MYO7A: variants seen among roughly 807,000 people sequenced by gnomAD.
MYO7A encodes the protein unconventional myosin-VIIa.
MYO7A carries 210 observed loss-of-function variants against 263.8 expected under a neutral mutation model. That is an observed-to-expected ratio of 0.80 (90% CI 0.71 to 0.89). The LOEUF (loss-of-function observed/expected upper bound fraction) is 0.89, where lower values mean the gene tolerates loss of function less well. Ranked by LOEUF, MYO7A falls within the 40% of genes least tolerant of loss-of-function variation. The probability of loss-of-function intolerance (pLI) is 0.00; values close to 1 mark genes in which losing one functional copy is unlikely to be tolerated. For missense variants in MYO7A, 2,820 were observed against 2,968.3 expected (o/e 0.95, Z 1.16); for synonymous variants, 1,239 against 1,197.3 (o/e 1.03, Z -0.72).
chr11:77,186,084 A>G (rs907842430), intron 27 of MYO7A, among the ~76,000 whole-genome samples: 15 of 150,294 alleles, frequency 1.0e-4, no homozygotes, highest in Non-Finnish European at 1.6e-4. Flanking sequence ...CACCACATCC[A>G]GCTAATTTTT....
chr11:77,134,086 T>C (rs1950845041), intron 2 of MYO7A, among the ~76,000 whole-genome samples: 1 of 150,576 alleles, frequency 6.6e-6, no homozygotes, highest in East Asian at 1.9e-4. Context: ...TGCACCACCA[T>C]ACCTGGCTAA....
At chr11:77,157,027 C>A in intron 7 of MYO7A, 23 bp downstream of exon 7, 1 of 1,607,294 alleles carries the variant, frequency 6.2e-7, no homozygotes, top group South Asian at 1.1e-5. Flanking sequence ...CCCAGGGATG[C>A]AGGAATAGAC....
chr11:77,149,341 C>G (rs1555055940), intron 4 of MYO7A, among the ~76,000 whole-genome samples: 1 of 152,178 alleles, frequency 6.6e-6, no homozygotes, highest in African/African-American at 2.4e-5. Flanking sequence ...AGTGATGTCA[C>G]TCCCAGCTCA....
chr11:77,214,910 C>A lies in MYO7A; in HGVS notation c.*214C>A. On this transcript the variant is annotated 3_prime_UTR_variant, in exon 49 of 49. Coordinates refer to ENST00000409709, the MANE Select transcript of MYO7A (RefSeq NM_000260.4). ...AACTTCCCTCCATCCACCCCTCTGG[C>A]ACCTGGGTTGGTCTAATCCTAGTTT... is the stretch of plus-strand genomic sequence containing the variant. 5.5e-6 allele frequency: 3 copies of A among 545,848 alleles called. No individual in the cohort carries two copies. The highest frequency in any genetic ancestry group is 4.7e-5 in the South Asian group (2 of 42,540). 33.8% of individuals were successfully genotyped at this position (545,848 alleles called of 1,614,324 possible).
chr11:77,151,365 AG>A (rs1465962844), intron 4 of MYO7A, among the ~76,000 whole-genome samples: 4 of 152,234 alleles, frequency 2.6e-5, no homozygotes, highest in Non-Finnish European at 5.9e-5. Context: ...TAGGCACAAC[AG>A]GGAGACTGCA....
chr11:77,161,149 T>A, intron 12 of MYO7A, 34 bp downstream of exon 12: 1 of 1,610,430 alleles, frequency 6.2e-7, no homozygotes. Flanking sequence ...GGGAATTTCC[T>A]TCCCCAATAT....
chr11:77,160,990 G>C lies in MYO7A; in HGVS notation c.1218G>C (p.Leu406=), dbSNP rs782089009. The C allele has an allele frequency of 6.2e-7, 1 of 1,608,306 alleles. No homozygotes were observed. Among genetic ancestry groups the C allele is most frequent in the South Asian group, 1.1e-5 (1 of 89,668 alleles). The part of the protein sequence containing the change: ...DAFVKGIYGR[L]FVWIVDKINA... ...CCTTTCAGGGGATCTACGGGCGGCT[G>C]TTCGTGTGGATTGTGGACAAGATCA... is the stretch of plus-strand genomic sequence containing the variant. The change falls in exon 12 of 49, where the codon CTG becomes CTC. Residue 406 remains leucine (L), a synonymous_variant. Transcript: ENST00000409709.
chr11:77,174,972 G>A (rs893104832), intron 17 of MYO7A, 58 bp downstream of exon 17: 5 of 1,588,660 alleles, frequency 3.1e-6, no homozygotes, highest in Non-Finnish European at 2.6e-6. Flanking sequence ...GGCTGGGCAA[G>A]GGTCCCAATT....
intron 2 of MYO7A, 78 bp from the exon 3 acceptor site, chr11:77,142,631 G>C: frequency 8.1e-7 from 1 of 1,227,078 alleles, no homozygotes; most frequent in Non-Finnish European, 1.2e-6. Context: ...GATTGTAGCA[G>C]AGGGATATAG....
chr11:77,136,371 G>A (rs1488501671), intron 2 of MYO7A, among the ~76,000 whole-genome samples: 1 of 152,144 alleles, frequency 6.6e-6, no homozygotes, highest in Non-Finnish European at 1.5e-5. Flanking sequence ...CAGCTCAAGG[G>A]TGGTCTCAGT....
chr11:77,182,986 T>A, intron 25 of MYO7A, 82 bp from the exon 26 acceptor site: 2 of 1,202,508 alleles, frequency 1.7e-6, no homozygotes, highest in South Asian at 2.6e-5. Context: ...AGCGAGACGG[T>A]TCCCCGCAAA....
chr11:77,178,204 T>C (rs1954810556), intron 19 of MYO7A, among the ~76,000 whole-genome samples: 1 of 150,622 alleles, frequency 6.6e-6, no homozygotes, highest in Non-Finnish European at 1.5e-5. Context: ...CATCCATCCA[T>C]CCATCCATCT....
intron 41 of MYO7A, among the ~76,000 whole-genome samples, 156 bp downstream of exon 41, chr11:77,206,358 A>C (rs1957447406): frequency 3.9e-5 from 6 of 152,178 alleles, no homozygotes; most frequent in Admixed American, 3.9e-4. Flanking sequence ...GACGAAGGCC[A>C]TCGACTCCCC....
Position 77,192,379 on chromosome 11 carries a change from C to T in MYO7A, c.4152+101C>T, listed in dbSNP as rs1327332376. ...CTCTGTGAGCCATCATTAGCTCAGG[C>T]TGGGGTGAGCCTGACTGCAACCAGG... On this transcript the variant is annotated intron_variant, in intron 31 of 48. Coordinates refer to ENST00000409709, the MANE Select transcript of MYO7A (RefSeq NM_000260.4). 2.4e-6 allele frequency: 3 copies of T among 1,241,732 alleles called. No individual in the cohort carries two copies. In the African/African-American group the frequency reaches 4.4e-5, roughly 18 times the overall value. 76.9% of individuals were successfully genotyped at this position (1,241,732 alleles called of 1,614,324 possible).
chr11:77,192,370 T>G, intron 31 of MYO7A, 92 bp downstream of exon 31: 1 of 1,323,726 alleles, frequency 7.6e-7, no homozygotes, highest in Non-Finnish European at 1.1e-6. Context: ...GAGCCATCAT[T>G]AGCTCAGGCT....
intron 5 of MYO7A, 89 bp downstream of exon 5, chr11:77,156,180 C>T (rs1267643237): frequency 7.0e-7 from 1 of 1,427,768 alleles, no homozygotes; most frequent in Admixed American, 2.0e-5. Context: ...GGAATTGCCC[C>T]CGCTGTCGGA....
chr11:77,198,575 C>T lies in MYO7A; in HGVS notation c.4522C>T (p.Leu1508Phe), dbSNP rs1166912404. The change falls in exon 34 of 49, where the codon CTT (leucine) becomes TTT (phenylalanine). Residue 1508 changes from leucine (L) to phenylalanine (F), a missense_variant. Coordinates refer to ENST00000409709, the MANE Select transcript of MYO7A (RefSeq NM_000260.4). Reference sequence around the variant, plus strand: ...CTTTGTGGATGAGCAGGAGCAGGTACTTCTGGAGCTGTCCTTCCCAGAGAT... The same window carrying T: ...CTTTGTGGATGAGCAGGAGCAGGTATTTCTGGAGCTGTCCTTCCCAGAGAT... ...VYFVDEQEQV[L>F]LELSFPEIMA... is the part of the protein sequence containing the mutation. 5 of 1,613,844 alleles carry T rather than the reference C, an allele frequency of 3.1e-6. No individual in the cohort carries two copies. In the South Asian group the frequency reaches 4.4e-5, roughly 14 times the overall value.
At position 77,179,735 on chromosome 11, in the gene MYO7A, A is replaced by G; in HGVS notation, c.2368A>G (p.Met790Val). 6.5e-7 allele frequency: 1 copy of G among 1,534,334 alleles called. No individual in the cohort carries two copies. The highest frequency in any genetic ancestry group is 8.8e-7 in the Non-Finnish European group (1 of 1,137,168). The change falls in exon 21 of 49, where the codon ATG becomes GTG. Residue 790 changes from methionine to valine, a missense_variant and splice_region_variant. Coordinates refer to ENST00000409709, the MANE Select transcript of MYO7A (RefSeq NM_000260.4). ...GAGCATGGGGTGGCTGTCCTTGCAG[A>G]TGCGTCTGGGCTTCCTGCGGCTGCA... Reference protein sequence around the residue: ...GHNCRKNYGLMRLGFLRLQAL... With the variant: ...GHNCRKNYGLVRLGFLRLQAL...
chr11:77,199,051 G>T (rs1956882245), intron 34 of MYO7A, among the ~76,000 whole-genome samples: 1 of 152,230 alleles, frequency 6.6e-6, no homozygotes, highest in Non-Finnish European at 1.5e-5. Context: ...GAATGGTGGG[G>T]TGGGTTGCTG....
Sources: allele counts gnomAD v4.1 joint callset (sites outside exome capture counted in the v4.1 genomes callset), GRCh38; gene constraint gnomAD v4.1.1; transcripts MANE v1.5; gene names NCBI Gene and HGNC (gene_info 2026-07-23, HGNC 2026-07-21).